Variants in WWTR1 observed in about 807,000 individuals in gnomAD.
WWTR1 encodes the protein WW domain-containing transcription regulator protein 1.
A neutral mutation model predicts 40.1 loss-of-function variants in WWTR1; 13 were observed. The observed-to-expected ratio is 0.32, with a 90% CI of 0.21 to 0.52. The LOEUF is 0.52. WWTR1 is among the 20% of genes least tolerant of loss of function. WWTR1 has a pLI of 0.97. For synonymous variants in WWTR1, 230 were observed against 210.1 expected, an observed-to-expected ratio of 1.09 and a Z score of -0.82; for missense variants, 436 against 523.1, an observed-to-expected ratio of 0.83 and a Z score of 1.63.
intron 1 of WWTR1, among the ~76,000 whole-genome samples, chr3:149,697,158 T>C (rs1166018651): frequency 1.3e-5 from 2 of 151,530 alleles, no homozygotes; most frequent in Non-Finnish European, 2.9e-5. Flanking sequence ...AGAGGTTTAA[T>C]TGGCTCACAA....
At chr3:149,704,992 A>G (rs189639311), upstream of WWTR1, among the ~76,000 whole-genome samples, 3 of 152,214 alleles carry the variant, frequency 2.0e-5, no homozygotes, top group Admixed American at 1.3e-4. Context: ...AAGATGTTAT[A>G]AGAACAGGAT....
At chr3:149,673,721 G>A (rs1255017805) in intron 1 of WWTR1, among the ~76,000 whole-genome samples, 3 of 152,184 alleles carry the variant, frequency 2.0e-5, no homozygotes, top group African/African-American at 4.8e-5. Context: ...TTACTTTGCT[G>A]TCATGGGTCT....
intron 1 of WWTR1, among the ~76,000 whole-genome samples, chr3:149,684,546 T>G (rs1029134763): frequency 6.6e-6 from 1 of 151,094 alleles, no homozygotes; most frequent in Non-Finnish European, 1.5e-5. Context: ...TAGGTCTGTC[T>G]CATATCTCAT....
chr3:149,557,612 C>T (rs759153494), intron 3 of WWTR1, among the ~76,000 whole-genome samples: 2 of 152,214 alleles, frequency 1.3e-5, no homozygotes, highest in Non-Finnish European at 2.9e-5. Context: ...CTAGCAACCA[C>T]ACAAGGCCCC....
intron 5 of WWTR1, among the ~76,000 whole-genome samples, chr3:149,712,711 A>G (rs1039083848): frequency 7.9e-5 from 12 of 152,226 alleles, no homozygotes; most frequent in African/African-American, 2.9e-4. Context: ...TGGAATAGTA[A>G]CAATCTAAGC....
At chr3:149,560,943 A>G (rs942989385) in intron 3 of WWTR1, among the ~76,000 whole-genome samples, 1 of 119,030 alleles carries the variant, frequency 8.4e-6, no homozygotes. Flanking sequence ...ATTATTTTTT[A>G]AAAGAAAGTA....
intron 2 of WWTR1, among the ~76,000 whole-genome samples, chr3:149,624,215 G>A (rs1031484418): frequency 3.3e-5 from 5 of 152,200 alleles, no homozygotes; most frequent in East Asian, 1.9e-4. Context: ...GGGTGAGGGC[G>A]GGTAGAGGGA....
chr3:149,649,222 C>T (rs1712705349), intron 2 of WWTR1: 1 of 152,190 alleles, frequency 6.6e-6, no homozygotes, highest in South Asian at 2.1e-4. Context: ...GAACTCCTGA[C>T]CTCAGGTGAT....
At chr3:149,522,428 A>G (rs1047766794) in intron 6 of WWTR1, among the ~76,000 whole-genome samples, 9 of 152,254 alleles carry the variant, frequency 5.9e-5, no homozygotes, top group African/African-American at 2.2e-4. Context: ...AACATTTTAC[A>G]GTATTTTCAT....
chr3:149,635,151 G>T (rs1451219716), intron 2 of WWTR1, among the ~76,000 whole-genome samples: 3 of 152,188 alleles, frequency 2.0e-5, no homozygotes, highest in African/African-American at 7.2e-5. Flanking sequence ...TCACAGGAGT[G>T]CTGGGGATAC....
chr3:149,582,686 T>C (rs1475685828), intron 2 of WWTR1, among the ~76,000 whole-genome samples: 1 of 152,088 alleles, frequency 6.6e-6, no homozygotes, highest in Non-Finnish European at 1.5e-5. Flanking sequence ...GCCGTGATCA[T>C]ACCACTGCAC....
intron 1 of WWTR1, among the ~76,000 whole-genome samples, chr3:149,693,978 A>T (rs1240403661): frequency 6.6e-6 from 1 of 152,248 alleles, no homozygotes; most frequent in East Asian, 1.9e-4. Flanking sequence ...AAGCAACCAA[A>T]GCAAAAATGG....
chr3:149,538,260 T>C (rs13060969), intron 4 of WWTR1, among the ~76,000 whole-genome samples: 35,147 of 152,034 alleles, frequency 0.23, 4,226 homozygotes, highest in Non-Finnish European at 0.26. Context: ...ACTCAACAAA[T>C]CAAATTTTAA....
At chr3:149,673,880 G>C (rs1714175350) in intron 1 of WWTR1, among the ~76,000 whole-genome samples, 1 of 151,956 alleles carries the variant, frequency 6.6e-6, no homozygotes, top group Non-Finnish European at 1.5e-5. Flanking sequence ...GTCAAGACAG[G>C]TAAGGAGAAG....
chr3:149,562,738 T>C (rs2107978095), intron 3 of WWTR1, among the ~76,000 whole-genome samples: 1 of 152,158 alleles, frequency 6.6e-6, no homozygotes, highest in South Asian at 2.1e-4. Context: ...TGATATTGTT[T>C]TGCTGACTTC....
chr3:149,666,851 T>G (rs912374194), intron 2 of WWTR1, among the ~76,000 whole-genome samples: 2 of 152,356 alleles, frequency 1.3e-5, no homozygotes, highest in Admixed American at 6.5e-5. Context: ...CTTCCTCCTC[T>G]GTGAGCATAC....
intron 2 of WWTR1, among the ~76,000 whole-genome samples, chr3:149,595,455 TTAAG>T (rs1738953684): frequency 6.6e-6 from 1 of 152,168 alleles, no homozygotes; most frequent in South Asian, 2.1e-4. Flanking sequence ...AGGCAACTAT[TTAAG>T]TATTTAGGAG....
chr3:149,540,865 T>C (rs928524440), intron 4 of WWTR1: 2 of 320,370 alleles, frequency 6.2e-6, no homozygotes, highest in South Asian at 2.7e-5. Flanking sequence ...ATCTGAGAAA[T>C]GATTTTAATT....
At chr3:149,529,005 C>T (rs1047246323) in intron 4 of WWTR1, among the ~76,000 whole-genome samples, 16 of 152,206 alleles carry the variant, frequency 1.1e-4, no homozygotes, top group Non-Finnish European at 1.6e-4. Flanking sequence ...CAACTACTTT[C>T]TCTAGGTATA....
Sources: allele counts gnomAD v4.1 joint callset (sites outside exome capture counted in the v4.1 genomes callset), GRCh38; gene constraint gnomAD v4.1.1; transcripts MANE v1.5; gene names NCBI Gene and HGNC (gene_info 2026-07-23, HGNC 2026-07-21).